The following PUDP variants were observed in gnomAD, a reference collection of about 807,000 sequenced individuals.
PUDP encodes the protein pseudouridine 5'-phosphatase, also known as pseudouridine-5'-phosphatase.
In PUDP, 8 loss-of-function variants were observed where a neutral mutation model predicts 9.4. The ratio of observed to expected loss-of-function variants is 0.85; its 90% confidence interval spans 0.50 to 1.53. The LOEUF (loss-of-function observed/expected upper bound fraction) is 1.53. Among genes scored for constraint, PUDP ranks in the 40% most tolerant of loss-of-function variants. The pLI, the probability that PUDP is intolerant of heterozygous loss-of-function variation, is 0.00. For synonymous variants in PUDP, 99 were observed against 80.7 expected (o/e 1.23, Z -1.22); for missense variants, 188 against 189.7 (o/e 0.99, Z 0.05).
intron 2 of PUDP, among the ~76,000 whole-genome samples, chrX:7,083,094 C>T (rs1931152989): frequency 1.8e-5 from 2 of 112,494 alleles, no homozygotes; most frequent in African/African-American, 6.5e-5. Context: ...CTAGAGCCTA[C>T]AGAGGGAGTG....
At chrX:6,996,610 G>T (rs758318659) in intron 1 of PUDP, among the ~76,000 whole-genome samples, 1 of 103,161 alleles carries the variant, frequency 9.7e-6, no homozygotes. Context: ...ACATACATAT[G>T]TATATATATA....
chrX:7,073,375 C>T (rs929262923), intron 3 of PUDP, among the ~76,000 whole-genome samples: 11 of 112,167 alleles, frequency 9.8e-5, no homozygotes, highest in African/African-American at 3.6e-4. Flanking sequence ...TGACTACTTT[C>T]CTATGACTAC....
At position 6,949,878 on chromosome X, in the gene PUDP, T is replaced by C. The variant is rs148241520; in HGVS notation, c.*247+27255A>G. Reference sequence around the variant, plus strand: ...TCATATCATCCATCTGAAGGCTCCATTGGGGAAGAATCTGCTTCCAAGCTA... The same window carrying C: ...TCATATCATCCATCTGAAGGCTCCACTGGGGAAGAATCTGCTTCCAAGCTA... On this transcript the variant is annotated intron_variant and NMD_transcript_variant, in intron 3 of 3. Coordinates refer to the PUDP transcript ENST00000655425. Among the ~76,000 whole-genome samples, 14 of 111,738 alleles carry C rather than the reference T, an allele frequency of 1.3e-4. No homozygotes were observed. The East Asian group carries it at 3.1e-3, about 25-fold the overall frequency.
intron 2 of PUDP, chrX:7,084,860 C>G (rs979281265): frequency 9.0e-6 from 1 of 111,680 alleles, no homozygotes; most frequent in Admixed American, 9.5e-5. Context: ...TAACTATATA[C>G]GATTTCTATT....
At chrX:7,020,361 C>A (rs1929616856) in intron 1 of PUDP, among the ~76,000 whole-genome samples, 1 of 108,225 alleles carries the variant, frequency 9.2e-6, no homozygotes, top group African/African-American at 3.4e-5. Flanking sequence ...CTTGTCTTAA[C>A]CTAACCTTCA....
At chrX:7,101,582 T>C (rs760303943) in intron 2 of PUDP, among the ~76,000 whole-genome samples, 3 of 112,277 alleles carry the variant, frequency 2.7e-5, no homozygotes, top group African/African-American at 6.5e-5. Context: ...TTTTTAAGAA[T>C]TGCAGTAGAA....
At chrX:7,146,840 T>G (rs942154974) in intron 1 of PUDP, among the ~76,000 whole-genome samples, 3 of 101,669 alleles carry the variant, frequency 3.0e-5, no homozygotes, top group Non-Finnish European at 4.1e-5. Flanking sequence ...GCAGGGTTTT[T>G]TTTTTTTTTT....
At chrX:6,941,579 T>C (rs1284523077) in intron 3 of PUDP, among the ~76,000 whole-genome samples, 2 of 110,858 alleles carry the variant, frequency 1.8e-5, no homozygotes, top group East Asian at 5.7e-4. Context: ...TCCTCCCACC[T>C]TGGCCTCCCA....
chrX:6,953,131 T>C (rs1008284631), intron 3 of PUDP, among the ~76,000 whole-genome samples: 1 of 111,894 alleles, frequency 8.9e-6, no homozygotes, highest in African/African-American at 3.2e-5. Context: ...CTGTGAAGTT[T>C]TCCCACTGTT....
At chrX:6,721,438 T>C (rs1169265499) in exon 1 of PUDP, 4 of 112,121 alleles carry the variant, frequency 3.6e-5, no homozygotes, top group Non-Finnish European at 5.6e-5. Context: ...ACTTCACTCA[T>C]CTACTTCTCC....
intron 1 of PUDP, among the ~76,000 whole-genome samples, chrX:7,111,621 G>A (rs1261053305): frequency 9.0e-6 from 1 of 111,141 alleles, no homozygotes; most frequent in African/African-American, 3.3e-5. Flanking sequence ...TTTCTAGCCG[G>A]AAACTCTGGA....
intron 3 of PUDP, among the ~76,000 whole-genome samples, chrX:6,870,940 C>T (rs924354245): frequency 8.1e-5 from 9 of 111,670 alleles, no homozygotes; most frequent in African/African-American, 2.3e-4. Context: ...TGGGCTCAAG[C>T]GATCTTCTTG....
chrX:6,899,844 T>G (rs1927648772), intron 3 of PUDP, among the ~76,000 whole-genome samples: 1 of 111,204 alleles, frequency 9.0e-6, no homozygotes, highest in Non-Finnish European at 1.9e-5. Flanking sequence ...GAAAAATGTT[T>G]AAAGTCCCCA....
At chrX:6,759,759 T>A (rs1476609667) in intron 3 of PUDP, among the ~76,000 whole-genome samples, 1 of 111,970 alleles carries the variant, frequency 8.9e-6, no homozygotes, top group Middle Eastern at 4.2e-3. Flanking sequence ...CTAGGAGAGA[T>A]GAATATGCAA....
At chrX:7,107,548 C>T (rs981540170) in intron 1 of PUDP, among the ~76,000 whole-genome samples, 39 of 112,696 alleles carry the variant, frequency 3.5e-4, no homozygotes, top group African/African-American at 1.3e-3. Flanking sequence ...AGTTATGGGG[C>T]GGGCGCGGTG....
At chrX:7,125,357 C>G (rs962034356) in intron 1 of PUDP, among the ~76,000 whole-genome samples, 5 of 111,821 alleles carry the variant, frequency 4.5e-5, no homozygotes, top group African/African-American at 1.6e-4. Context: ...AATATACAAA[C>G]ATAGAGCTCT....
chrX:6,794,663 C>A (rs1203907461), intron 3 of PUDP, among the ~76,000 whole-genome samples: 1 of 108,450 alleles, frequency 9.2e-6, no homozygotes, highest in Non-Finnish European at 1.9e-5. Context: ...CTCTGCCTCC[C>A]GGGCTCAAGC....
chrX:7,066,356 A>G (rs1271002024), intron 3 of PUDP, among the ~76,000 whole-genome samples: 1 of 111,614 alleles, frequency 9.0e-6, no homozygotes, highest in Non-Finnish European at 1.9e-5. Flanking sequence ...CATGTTTTAG[A>G]GCAGTGGTCC....
At chrX:6,969,704 C>T (rs1192965594) in intron 3 of PUDP, among the ~76,000 whole-genome samples, 3 of 111,554 alleles carry the variant, frequency 2.7e-5, no homozygotes, top group Non-Finnish European at 5.6e-5. Context: ...TAGAAAGATC[C>T]AGTGTTGACA....
Sources: gnomAD v4.1 joint callset for allele counts (sites outside exome capture counted in the v4.1 genomes callset) on GRCh38, gnomAD v4.1.1 for gene constraint, MANE v1.5 for transcripts, NCBI Gene and HGNC (gene_info 2026-07-23, HGNC 2026-07-21) for gene names.